The following MYH11 variants were observed in gnomAD, a reference collection of about 807,000 sequenced individuals.
The protein encoded by MYH11 is myosin heavy chain 11.
A neutral mutation model predicts 246.6 loss-of-function variants in MYH11; 80 were observed. The observed-to-expected ratio is 0.32, with a 90% confidence interval of 0.27 to 0.39. The LOEUF is 0.39. Ranked by LOEUF, MYH11 falls within the 10% of genes least tolerant of loss-of-function variation. The probability of loss-of-function intolerance (pLI) is 1.00; values close to 1 mark genes in which losing one functional copy is unlikely to be tolerated. For missense variants in MYH11, 2,158 were observed against 2,546.8 expected, an observed-to-expected ratio of 0.85 and a Z score of 3.29; for synonymous variants, 1,071 against 1,015.5, an observed-to-expected ratio of 1.05 and a Z score of -1.04.
At position 15,724,595 on chromosome 16, in the gene MYH11, C is replaced by T. The variant is rs886051745; in HGVS notation, c.4116+52G>A. The stretch of plus-strand genomic sequence containing the variant: ...GCGATCTGCCTGCGGGGGATCTCAG[C>T]GCAGAGAAGTTGAGAGGACCCATGA... On this transcript the variant is annotated intron_variant, in intron 30 of 40. Coordinates refer to ENST00000300036, the MANE Select transcript of MYH11 (RefSeq NM_002474.3). 228 of 1,612,196 alleles carry T rather than the reference C, an allele frequency of 1.4e-4. 4 individuals are homozygous for T. In the East Asian group the frequency reaches 4.8e-3, roughly 34 times the overall value.
Position 15,738,622 on chromosome 16 carries a change from C to T in MYH11, c.3064G>A (p.Ala1022Thr). 6.2e-7 allele frequency: 1 copy of T among 1,614,062 alleles called. No individual in the cohort carries two copies. Among genetic ancestry groups the T allele is most frequent in the Non-Finnish European group, 8.5e-7 (1 of 1,179,984 alleles). Reference sequence around the variant, plus strand: ...TTTTTCAGCTTGGTAAGATTCTTGGCCTTTTCTTCCTCTTCTGCAAGATTT... The same window carrying T: ...TTTTTCAGCTTGGTAAGATTCTTGGTCTTTTCTTCCTCTTCTGCAAGATTT... ...TTNLAEEEEK[A>T]KNLTKLKNKH... Residue 1022 changes from alanine (A) to threonine (T), a missense_variant, in exon 24 of 41, where the codon GCC becomes ACC. This residue lies in a region of MYH11 where 284 missense variants were observed against 315.4 expected (regional missense o/e 0.90). Coordinates refer to ENST00000300036, the MANE Select transcript of MYH11 (RefSeq NM_002474.3).
Position 15,738,559 on chromosome 16 carries a change from G to A in MYH11, c.3121+6C>T. On this transcript the variant is annotated splice_donor_region_variant and intron_variant, in intron 24 of 40. Coordinates refer to ENST00000300036, the MANE Select transcript of MYH11 (RefSeq NM_002474.3). ...ATAAAAATAAATCTCTTGGTAGCTG[G>A]TTTACCTTCCAGTTCTGAAATCATA... The A allele has an allele frequency of 6.2e-7, 1 of 1,609,196 alleles. No homozygotes were observed. The highest frequency in any genetic ancestry group is 8.5e-7 in the Non-Finnish European group (1 of 1,177,720).
chr16:15,750,201 C>G lies in MYH11; in HGVS notation c.1995G>C (p.Met665Ile), dbSNP rs1241527715. The change falls in exon 16 of 41, where the codon ATG becomes ATC. Residue 665 changes from methionine (M) to isoleucine (I), a missense_variant. Around this residue, in one of 11 missense-constraint regions of MYH11, gnomAD observed 317 missense variants for 507.7 expected, o/e 0.62. Transcript: ENST00000300036. This position sits in a 1 kb window ranked among gnomAD's most constrained non-coding sequence, Gnocchi z 4.3. The stretch of plus-strand genomic sequence containing the variant: ...TGGGCGTGGTGTTGCGTAGCGTGGT[C>G]ATCAGCTTGCCCAGCTGCTCCTTGT... ...QLYKEQLGKL[M>I]TTLRNTTPNF... 6.2e-7 allele frequency: 1 copy of G among 1,614,228 alleles called. No individual in the cohort carries two copies. Among genetic ancestry groups the G allele is most frequent in the East Asian group, 2.2e-5 (1 of 44,878 alleles).
intron 37 of MYH11, chr16:15,717,706 G>C: frequency 2.8e-6 from 1 of 363,170 alleles, no homozygotes; most frequent in African/African-American, 2.1e-5. Flanking sequence ...TGAAGCAGGA[G>C]AATCCCTTGA....
intron 3 of MYH11, among the ~76,000 whole-genome samples, chr16:15,814,535 G>C (rs1274567028): frequency 4.0e-5 from 4 of 100,762 alleles, no homozygotes; most frequent in Non-Finnish European, 7.4e-5. Flanking sequence ...CCTGGACAAC[G>C]AGAGTGAAAC....
rs577194475 is a variant in MYH11, at chr16:15,833,384, G to A, written c.345+4524C>T. Among the ~76,000 whole-genome samples the A allele has an allele frequency of 1.1e-3, 110 of 104,400 alleles. 1 individual carries two copies. In the South Asian group the frequency reaches 0.012, roughly 11 times the overall value. 68.5% of individuals were successfully genotyped at this position (104,400 alleles called of 152,430 possible). A position where few individuals can be genotyped will look rare whatever the true frequency, so the allele number is the denominator to read the frequency against. ...AAGAAAGAGAGAGGGAGGGAGGGAG[G>A]GAGGAAGGAAGGAAGGAAGGAAGGA... On this transcript the variant is annotated intron_variant, in intron 2 of 40. Transcript: ENST00000300036.
At chr16:15,797,333 C>A (rs1025911094) in intron 4 of MYH11, among the ~76,000 whole-genome samples, 1 of 152,006 alleles carries the variant, frequency 6.6e-6, no homozygotes, top group Non-Finnish European at 1.5e-5. Context: ...TCCATGCAAT[C>A]CTGCTCTTTT....
chr16:15,754,956 G>A (rs1481579432), intron 14 of MYH11, among the ~76,000 whole-genome samples: 5 of 152,176 alleles, frequency 3.3e-5, no homozygotes, highest in Admixed American at 2.0e-4. Context: ...GGTTACAGGC[G>A]TGAGCCACCA....
At chr16:15,789,349 G>C (rs1429419929) in intron 4 of MYH11, among the ~76,000 whole-genome samples, 3 of 152,144 alleles carry the variant, frequency 2.0e-5, no homozygotes, top group East Asian at 1.9e-4. Flanking sequence ...TGGGCTCACA[G>C]ATCTTTTCAT....
At position 15,769,931 on chromosome 16, in the gene MYH11, G is replaced by C. The variant is rs182676242; in HGVS notation, c.1033+1638C>G. ...TTGCCTCAGTGTCTCCAAATGCTGG[G>C]ATTACAGGCATGAGCCACTGTGCCC... On this transcript the variant is annotated intron_variant, in intron 9 of 40. Transcript: ENST00000300036. Among the ~76,000 whole-genome samples the C allele has an allele frequency of 3.9e-5, 6 of 152,050 alleles. No individual in the cohort carries two copies. In the East Asian group the frequency reaches 9.7e-4, roughly 24 times the overall value.
chr16:15,708,798 G>C (rs770467844), intron 40 of MYH11: 1 of 1,606,992 alleles, frequency 6.2e-7, no homozygotes, highest in African/African-American at 1.3e-5. Context: ...CTGAAGGCAT[G>C]ATACCTGGTG....
chr16:15,844,355 G>A (rs919778223), intron 1 of MYH11, among the ~76,000 whole-genome samples: 5 of 152,094 alleles, frequency 3.3e-5, no homozygotes, highest in Admixed American at 6.6e-5. Context: ...ATGCCACCAC[G>A]CCTGGCTGAT....
At chr16:15,807,116 T>G (rs1330338357) in intron 3 of MYH11, among the ~76,000 whole-genome samples, 1 of 152,112 alleles carries the variant, frequency 6.6e-6, no homozygotes, top group Non-Finnish European at 1.5e-5. Context: ...TGCATGCCAC[T>G]ACGCCTGGCT....
chr16:15,842,762 C>CAAAAAAAAAAAAAAAAAAAAAAAAAA (rs757920488), intron 1 of MYH11, among the ~76,000 whole-genome samples: 3 of 19,642 alleles, frequency 1.5e-4, no homozygotes, highest in Non-Finnish European at 1.4e-4. Context: ...AGACTTCATC[C>CAAAAAAAAAAAAAAAAAAAAAAAAAA]AAAAAAAAAA....
Position 15,718,332 on chromosome 16 carries a change from G to A in MYH11, c.5278C>T (p.Arg1760Cys), listed in dbSNP as rs764794087. 14 of 1,609,016 alleles carry A rather than the reference G, an allele frequency of 8.7e-6. No homozygotes were observed. Among genetic ancestry groups the A allele is most frequent in the South Asian group, 2.2e-5 (2 of 91,014 alleles). The change falls in exon 37 of 41, where the codon CGC becomes TGC. Residue 1760 changes from arginine to cysteine, a missense_variant. By Grantham distance (180) the Arg-to-Cys change is radical (BLOSUM62 -3). Coordinates refer to ENST00000300036, the MANE Select transcript of MYH11 (RefSeq NM_002474.3). Reference protein sequence around the residue: ...GNMEAMSDRVRKATQQAEQLS... With the variant: ...GNMEAMSDRVCKATQQAEQLS... ...GCCCTCACCTGCTGTGTGGCTTTGC[G>A]GACCCGGTCGCTCATGGCCTCCATG...
intron 4 of MYH11, among the ~76,000 whole-genome samples, chr16:15,795,626 A>C (rs1382341065): frequency 1.3e-5 from 2 of 152,196 alleles, no homozygotes. Context: ...ACAAACAAAC[A>C]AACAAACAAA....
Position 15,745,131 on chromosome 16 carries a change from T to G in MYH11, c.2518A>C (p.Lys840Gln). The G allele has an allele frequency of 6.2e-7, 1 of 1,613,776 alleles. No individual in the cohort carries two copies. The highest frequency in any genetic ancestry group is 2.2e-5 in the East Asian group (1 of 44,872). ...RNWQWWRLFT[K>Q]VKPLLQVTRQ... ...GGGGGCTGGGGCAGAGCACTCACTT[T>G]GGTGAAAAGCCTCCACCACTGCCAG... is the stretch of plus-strand genomic sequence containing the variant. Residue 840 changes from lysine (K) to glutamine (Q), a missense_variant and splice_region_variant, in exon 20 of 41, where the codon AAA becomes CAA. Lys to Gln is a moderately conservative substitution (Grantham distance 53, BLOSUM62 1). This residue lies in a region of MYH11 where 90 missense variants were observed against 144.2 expected (regional missense o/e 0.62). Coordinates refer to ENST00000300036, the MANE Select transcript of MYH11 (RefSeq NM_002474.3).
chr16:15,731,244 G>C (rs2040951920), intron 27 of MYH11, among the ~76,000 whole-genome samples: 1 of 152,160 alleles, frequency 6.6e-6, no homozygotes, highest in Non-Finnish European at 1.5e-5. Flanking sequence ...TATATTGATA[G>C]GCCCCACCCA....
At chr16:15,755,962 G>A (rs2041702326) in intron 14 of MYH11, among the ~76,000 whole-genome samples, 1 of 151,966 alleles carries the variant, frequency 6.6e-6, no homozygotes. Context: ...GCTGGGCATG[G>A]TGGTGTACAC....
Sources: allele counts gnomAD v4.1 joint callset (sites outside exome capture counted in the v4.1 genomes callset), GRCh38; gene constraint gnomAD v4.1.1; regional missense constraint gnomAD v4.1.1; non-coding constraint Gnocchi (gnomAD v3.1); transcripts MANE v1.5; gene names NCBI Gene and HGNC (gene_info 2026-07-23, HGNC 2026-07-21).